Variants in WWP1 observed in about 807,000 individuals in gnomAD.
The protein encoded by WWP1 is NEDD4-like E3 ubiquitin-protein ligase WWP1.
WWP1 carries 49 observed loss-of-function variants against 130.6 expected under a neutral mutation model. That is an observed-to-expected ratio of 0.38 (90% CI 0.30 to 0.48). WWP1 has a LOEUF of 0.48. WWP1 is among the 20% of genes least tolerant of loss of function. The pLI is 0.99. For synonymous variants in WWP1, 332 were observed against 367.8 expected (o/e 0.90, Z 1.11); for missense variants, 809 against 1,100.6 (o/e 0.74, Z 3.75).
Position 86,378,953 on chromosome 8 carries a change from T to G in WWP1, c.71-1773T>G, listed in dbSNP as rs188225940. ...ATCAGGTACTGCTGTTCTTCTGATT[T>G]TTCAAGTAAGGGATGGAGAAATTAA... On this transcript the variant is annotated intron_variant, in intron 3 of 24. Coordinates refer to ENST00000517970, the MANE Select transcript of WWP1 (RefSeq NM_007013.4). Among the ~76,000 whole-genome samples, 185 of 152,312 alleles carry G rather than the reference T, an allele frequency of 1.2e-3. 2 individuals carry two copies. The highest frequency in any genetic ancestry group is 4.4e-3 in the African/African-American group (182 of 41,576).
At chr8:86,364,163 G>A (rs150449308) in intron 1 of WWP1, among the ~76,000 whole-genome samples, 234 of 152,322 alleles carry the variant, frequency 1.5e-3, no homozygotes, top group African/African-American at 5.5e-3. Context: ...AGAGAATTGA[G>A]TTAAATAGCT....
intron 8 of WWP1, among the ~76,000 whole-genome samples, chr8:86,407,835 CTAACAT>C (rs1327536478): frequency 6.6e-6 from 1 of 152,066 alleles, no homozygotes; most frequent in Non-Finnish European, 1.5e-5. Flanking sequence ...TTTTGTATTA[CTAACAT>C]TTTGCATTAC....
At position 86,402,503 on chromosome 8, in the gene WWP1, G is replaced by A. The variant is rs553817368; in HGVS notation, c.724+300G>A. On this transcript the variant is annotated intron_variant, in intron 8 of 24. Coordinates refer to ENST00000517970, the MANE Select transcript of WWP1 (RefSeq NM_007013.4). Reference sequence around the variant, plus strand: ...CAGAGTTTCACTTTTTTGGCAACTGGCTGGTCTCGAACTCCTGACCTCAAG... The same window carrying A: ...CAGAGTTTCACTTTTTTGGCAACTGACTGGTCTCGAACTCCTGACCTCAAG... Among the ~76,000 whole-genome samples the A allele has an allele frequency of 3.3e-5, 5 of 152,160 alleles. No homozygotes were observed. In the East Asian group the frequency reaches 9.7e-4, roughly 29 times the overall value.
Position 86,411,591 on chromosome 8 carries a change from A to G in WWP1, c.778A>G (p.Thr260Ala). Reference protein sequence around the residue: ...APTDNASVTGTPVVSEENALS... With the variant: ...APTDNASVTGAPVVSEENALS... ...AACTGATAATGCGTCTGTCACGGGT[A>G]CTCCAGTAGTGTCTGAAGAAAATGC... The change falls in exon 9 of 25, where the codon ACT becomes GCT. Residue 260 changes from threonine to alanine, a missense_variant. Around this residue, in one of 3 missense-constraint regions of WWP1, gnomAD observed 262 missense variants for 346.0 expected, o/e 0.76. Transcript: ENST00000517970. The G allele has an allele frequency of 1.9e-6, 3 of 1,614,046 alleles. No individual in the cohort carries two copies. The highest frequency in any genetic ancestry group is 1.1e-5 in the South Asian group (1 of 91,070).
rs752000662 is a variant in WWP1 at position 86,393,174 on chromosome 8, CAGTT to C, written c.335-5166_335-5163del. ...CCTAAGAGCTCTTATTTTTTTCTCTCAGTTAATCATTAGCCTTTTTATTTTTTAA... is the reference window on the plus strand; with the variant it reads ...CCTAAGAGCTCTTATTTTTTTCTCTCAATCATTAGCCTTTTTATTTTTTAA... On this transcript the variant is annotated intron_variant, in intron 5 of 24. Coordinates refer to ENST00000517970, the MANE Select transcript of WWP1 (RefSeq NM_007013.4). 5.5e-3 allele frequency among the ~76,000 whole-genome samples: 839 copies of C among 151,966 alleles called. 7 individuals carry two copies. Among genetic ancestry groups the C allele is most frequent in the African/African-American group, 0.019 (800 of 41,412 alleles).
At chr8:86,461,181 T>G (rs1811750780) in intron 22 of WWP1, 43 bp from the exon 23 acceptor site, 1 of 1,498,732 alleles carries the variant, frequency 6.7e-7, no homozygotes. Context: ...TGATTGAAGA[T>G]AGTTTAGCAT....
intron 20 of WWP1, among the ~76,000 whole-genome samples, chr8:86,451,019 C>G (rs989069392): frequency 2.0e-5 from 3 of 150,950 alleles, no homozygotes; most frequent in African/African-American, 7.3e-5. Context: ...CAAGACCAGC[C>G]TGAGAAACAT....
At chr8:86,449,301 C>T (rs927713700) in intron 20 of WWP1, among the ~76,000 whole-genome samples, 1 of 152,166 alleles carries the variant, frequency 6.6e-6, no homozygotes, top group South Asian at 2.1e-4. Flanking sequence ...ATTTGCCAGC[C>T]AGGTAAGTCC....
At chr8:86,425,179 C>A in intron 9 of WWP1, 44 bp from the exon 10 acceptor site, 1 of 1,503,322 alleles carries the variant, frequency 6.7e-7, no homozygotes, top group East Asian at 2.3e-5. Context: ...TAAGATTGTC[C>A]TAGTGTGTTG....
intron 21 of WWP1, among the ~76,000 whole-genome samples, chr8:86,456,094 T>C (rs935062566): frequency 4.6e-5 from 7 of 151,994 alleles, no homozygotes; most frequent in Non-Finnish European, 1.0e-4. Context: ...CCTCAGTCCA[T>C]ATTTAAAATT....
chr8:86,437,088 G>A (rs1223636397), intron 16 of WWP1, among the ~76,000 whole-genome samples: 1 of 152,072 alleles, frequency 6.6e-6, no homozygotes, highest in Non-Finnish European at 1.5e-5. Context: ...CCTGTCTTGG[G>A]AAGAATCATG....
intron 1 of WWP1, among the ~76,000 whole-genome samples, chr8:86,367,373 C>T (rs145673491): frequency 6.6e-6 from 1 of 152,164 alleles, no homozygotes; most frequent in East Asian, 1.9e-4. Flanking sequence ...CAGATCTATT[C>T]TAATTGGATT....
chr8:86,411,375 T>A (rs939632482), intron 8 of WWP1, among the ~76,000 whole-genome samples, 163 bp from the exon 9 acceptor site: 3 of 152,208 alleles, frequency 2.0e-5, no homozygotes, highest in African/African-American at 7.2e-5. Context: ...CTCCATTTTA[T>A]TTTATGTTAC....
Position 86,466,791 on chromosome 8 carries a change from C to G in WWP1, c.2670-3C>G. 1 of 1,546,580 alleles carries G rather than the reference C, an allele frequency of 6.5e-7. No individual in the cohort carries two copies. Among genetic ancestry groups the G allele is most frequent in the Non-Finnish European group, 8.7e-7 (1 of 1,151,918 alleles). On this transcript the variant is annotated splice_region_variant and splice_polypyrimidine_tract_variant and intron_variant, in intron 24 of 24. Transcript: ENST00000517970. Reference sequence around the variant, plus strand: ...ATCTGATTTTGTTTTTGTTTCTGTTCAGTTTTAATCGCTTGGATCTACCAC... The same window carrying G: ...ATCTGATTTTGTTTTTGTTTCTGTTGAGTTTTAATCGCTTGGATCTACCAC...
At chr8:86,439,283 C>G (rs932414456) in intron 17 of WWP1, among the ~76,000 whole-genome samples, 1 of 147,920 alleles carries the variant, frequency 6.8e-6, no homozygotes, top group Non-Finnish European at 1.5e-5. Context: ...GCGGAGCTTG[C>G]AGTGAGCTGA....
intron 17 of WWP1, among the ~76,000 whole-genome samples, chr8:86,441,472 G>A (rs1810588221): frequency 6.6e-6 from 1 of 152,178 alleles, no homozygotes. Flanking sequence ...CCTACATAGA[G>A]GTGGCCCTCA....
intron 5 of WWP1, among the ~76,000 whole-genome samples, chr8:86,383,056 T>C (rs554716729): frequency 5.9e-5 from 9 of 152,340 alleles, no homozygotes; most frequent in Non-Finnish European, 1.2e-4. Flanking sequence ...AATATAATTA[T>C]GGATTATAAT....
chr8:86,358,028 TG>T (rs1050603155), intron 1 of WWP1, among the ~76,000 whole-genome samples: 3 of 152,208 alleles, frequency 2.0e-5, no homozygotes, highest in African/African-American at 7.2e-5. Flanking sequence ...TTTGATAGTT[TG>T]GGGGTTAGCA....
chr8:86,382,059 A>G (rs531241452), intron 5 of WWP1, among the ~76,000 whole-genome samples: 21 of 152,216 alleles, frequency 1.4e-4, no homozygotes, highest in Non-Finnish European at 1.0e-4. Flanking sequence ...ATAGACAATT[A>G]TAGAGTAATA....
Sources: allele counts gnomAD v4.1 joint callset (sites outside exome capture counted in the v4.1 genomes callset), GRCh38; gene constraint gnomAD v4.1.1; regional missense constraint gnomAD v4.1.1; transcripts MANE v1.5; gene names NCBI Gene and HGNC (gene_info 2026-07-23, HGNC 2026-07-21).